DPH6: variants seen among roughly 807,000 people sequenced by gnomAD.
DPH6 encodes the protein diphthine--ammonia ligase.
In DPH6, 33 loss-of-function variants were observed where a neutral mutation model predicts 38.2. That is an observed-to-expected ratio of 0.86 (90% CI 0.65 to 1.15). The LOEUF is 1.15. DPH6 is among the 50% of genes most tolerant of loss of function. The pLI, the probability that DPH6 is intolerant of heterozygous loss-of-function variation, is 0.00. For missense variants in DPH6, 325 were observed against 320.0 expected, an observed-to-expected ratio of 1.02 and a Z score of -0.12; for synonymous variants, 108 against 103.0, an observed-to-expected ratio of 1.05 and a Z score of -0.30.
intron 3 of DPH6, among the ~76,000 whole-genome samples, chr15:35,257,560 C>G (rs891855965): frequency 2.0e-5 from 3 of 152,110 alleles, no homozygotes; most frequent in African/African-American, 7.2e-5. Context: ...CTTAAGTAGA[C>G]TTGAAGGGTT....
chr15:35,279,818 C>T, intron 3 of DPH6, among the ~76,000 whole-genome samples: 1 of 152,136 alleles, frequency 6.6e-6, no homozygotes, highest in Non-Finnish European at 1.5e-5. Context: ...ACTCCCCACC[C>T]CCCAAATTCA....
chr15:35,271,329 C>T (rs2051821278), intron 3 of DPH6, among the ~76,000 whole-genome samples: 1 of 152,196 alleles, frequency 6.6e-6, no homozygotes, highest in East Asian at 1.9e-4. Flanking sequence ...AATTGGGTAG[C>T]TTTCATTTCA....
intron 6 of DPH6, among the ~76,000 whole-genome samples, chr15:35,402,053 G>GT (rs2053227426): frequency 1.3e-5 from 2 of 152,200 alleles, no homozygotes; most frequent in Admixed American, 6.5e-5. Context: ...TGCCCATGCT[G>GT]TTGATTGCTA....
chr15:35,224,433 T>C (rs1322981318), intron 3 of DPH6, among the ~76,000 whole-genome samples: 1 of 152,172 alleles, frequency 6.6e-6, no homozygotes, highest in East Asian at 1.9e-4. Flanking sequence ...TAATATTCCG[T>C]TGGATGGATG....
intron 3 of DPH6, among the ~76,000 whole-genome samples, chr15:35,290,865 A>T (rs1252124183): frequency 1.3e-5 from 2 of 152,126 alleles, no homozygotes; most frequent in African/African-American, 2.4e-5. Context: ...ATATTTTAGA[A>T]GGCAAAATAA....
At chr15:35,194,269 A>G in the DPH6 span, among the ~76,000 whole-genome samples, 1 of 152,100 alleles carries the variant, frequency 6.6e-6, no homozygotes, top group South Asian at 2.1e-4. Context: ...TCGGTGCTTT[A>G]AAGATATGCT....
At chr15:35,411,554 G>C (rs1194670638) in intron 5 of DPH6, among the ~76,000 whole-genome samples, 1 of 151,640 alleles carries the variant, frequency 6.6e-6, no homozygotes, top group African/African-American at 2.4e-5. Context: ...TAACAGTAGA[G>C]TTTATATAGG....
At chr15:35,461,750 T>C (rs1357248008) in intron 3 of DPH6, among the ~76,000 whole-genome samples, 3 of 152,166 alleles carry the variant, frequency 2.0e-5, no homozygotes, top group African/African-American at 7.2e-5. Flanking sequence ...TCTTAAACAT[T>C]TCTTTAAACC....
chr15:35,257,634 T>C (rs1305932580), intron 3 of DPH6, among the ~76,000 whole-genome samples: 3 of 152,126 alleles, frequency 2.0e-5, no homozygotes, highest in East Asian at 3.8e-4. Context: ...CTGTAGGAGA[T>C]AAAATCTTAG....
At position 35,372,215 on chromosome 15, in the gene DPH6, A is replaced by G. The variant is rs1053444162; in HGVS notation, c.751-12T>C. 1 of 1,378,912 alleles carries G rather than the reference A, an allele frequency of 7.3e-7. No individual in the cohort carries two copies. Among genetic ancestry groups the G allele is most frequent in the African/African-American group, 1.5e-5 (1 of 65,054 alleles). 85.4% of individuals were successfully genotyped at this position (1,378,912 alleles called of 1,614,324 possible). A position where few individuals can be genotyped will look rare whatever the true frequency, so the allele number is the denominator to read the frequency against. On this transcript the variant is annotated splice_polypyrimidine_tract_variant and intron_variant, in intron 8 of 8. Transcript: ENST00000256538. ...GGCACTGAGGACACCTAAAAAAAAA[A>G]GGGAAGGAAAGGGAAGGAAAATGCA...
intron 3 of DPH6, among the ~76,000 whole-genome samples, chr15:35,469,720 T>C (rs746052427): frequency 6.6e-6 from 1 of 152,068 alleles, no homozygotes; most frequent in Non-Finnish European, 1.5e-5. Context: ...CAGTAGACAG[T>C]TGGTTATGGA....
chr15:35,222,772 C>A (rs1041021672), intron 3 of DPH6, among the ~76,000 whole-genome samples: 2 of 152,074 alleles, frequency 1.3e-5, no homozygotes, highest in Admixed American at 6.5e-5. Context: ...TCTCTTTTGT[C>A]CTGTACCTGT....
At chr15:35,330,142 G>C (rs576191138), downstream of DPH6, among the ~76,000 whole-genome samples, 14 of 152,184 alleles carry the variant, frequency 9.2e-5, no homozygotes, top group South Asian at 2.7e-3. Context: ...GGGCCATCTA[G>C]AAGGCATGAT....
At chr15:35,413,569 CTA>C (rs2053397243) in intron 5 of DPH6, among the ~76,000 whole-genome samples, 1 of 151,624 alleles carries the variant, frequency 6.6e-6, no homozygotes, top group South Asian at 2.1e-4. Flanking sequence ...ATCTTGTAAT[CTA>C]TATGTCTTCT....
chr15:35,385,418 C>A (rs2140946134), intron 6 of DPH6, among the ~76,000 whole-genome samples: 1 of 152,270 alleles, frequency 6.6e-6, no homozygotes, highest in East Asian at 1.9e-4. Flanking sequence ...ACATATACAG[C>A]ATGGAGTACT....
At chr15:35,499,613 A>G (rs1766847660) in intron 3 of DPH6, among the ~76,000 whole-genome samples, 1 of 152,244 alleles carries the variant, frequency 6.6e-6, no homozygotes. Flanking sequence ...AGCTATTGCT[A>G]TAGAGGGTCC....
chr15:35,218,766 G>A (rs1172601140), exon 4 of DPH6: 1 of 151,560 alleles, frequency 6.6e-6, no homozygotes, highest in Non-Finnish European at 1.5e-5. Flanking sequence ...AACAAGCAGT[G>A]TAATTAAGAT....
chr15:35,296,756 C>T lies in DPH6; in HGVS notation n.201-76174G>A, dbSNP rs114674900. Among the ~76,000 whole-genome samples the T allele has an allele frequency of 7.7e-3, 1,173 of 152,008 alleles. 20 individuals are homozygous for T. Among genetic ancestry groups the T allele is most frequent in the African/African-American group, 0.027 (1,097 of 41,366 alleles). On this transcript the variant is annotated intron_variant and non_coding_transcript_variant, in intron 3 of 3. Coordinates refer to the DPH6 transcript ENST00000560386. ...CTAGTACTTTAACTTTCTCTTTCTC[C>T]TGACAACCATTTTTTATCTCATATT...
chr15:35,276,247 C>A (rs1270612895), intron 3 of DPH6, among the ~76,000 whole-genome samples: 1 of 152,160 alleles, frequency 6.6e-6, no homozygotes, highest in Non-Finnish European at 1.5e-5. Context: ...TGAGAACTGT[C>A]TATTCATGTC....
Sources: allele counts gnomAD v4.1 joint callset (sites outside exome capture counted in the v4.1 genomes callset), GRCh38; gene constraint gnomAD v4.1.1; transcripts MANE v1.5; gene names NCBI Gene and HGNC (gene_info 2026-07-23, HGNC 2026-07-21).